SEMA3G: variants seen among roughly 807,000 people sequenced by gnomAD.
The protein encoded by SEMA3G is semaphorin-3G.
In SEMA3G, 70 loss-of-function variants were observed where a neutral mutation model predicts 86.2. The observed-to-expected ratio is 0.81, with a 90% CI of 0.67 to 0.99. SEMA3G has a LOEUF of 0.99. SEMA3G is among the 50% of genes least tolerant of loss of function. The pLI, the probability that SEMA3G is intolerant of heterozygous loss-of-function variation, is 0.00. For synonymous variants in SEMA3G, 416 were observed against 441.4 expected (o/e 0.94, Z 0.72); for missense variants, 1,002 against 1,072.4 (o/e 0.93, Z 0.92).
rs1705982651 is a variant in SEMA3G at position 52,433,065 on chromosome 3, C to G, written c.*2538G>C. ...TTACAAGCCCACAGGCCAGGATGTT[C>G]CTCATTTAATGAGCAATCTCGGCTT... On this transcript the variant is annotated 3_prime_UTR_variant, in exon 16 of 16. Coordinates refer to ENST00000231721, the MANE Select transcript of SEMA3G (RefSeq NM_020163.3). 6.6e-6 allele frequency: 1 copy of G among 151,982 alleles called. No individual in the cohort carries two copies. The highest frequency in any genetic ancestry group is 2.1e-4 in the South Asian group (1 of 4,828). 9.4% of individuals were successfully genotyped at this position (151,982 alleles called of 1,614,324 possible). A position where few individuals can be genotyped will look rare whatever the true frequency, so the allele number is the denominator to read the frequency against.
intron 1 of SEMA3G, 161 bp from the exon 2 acceptor site, chr3:52,443,068 T>A: frequency 6.5e-7 from 1 of 1,531,516 alleles, no homozygotes; most frequent in Non-Finnish European, 8.7e-7. Flanking sequence ...GGACCATGGC[T>A]CCTGGGGACA....
chr3:52,436,025 G>T lies in SEMA3G; in HGVS notation c.1927C>A (p.Arg643Ser), dbSNP rs142042017. 6.2e-7 allele frequency: 1 copy of T among 1,613,362 alleles called. No homozygotes were observed. The highest frequency in any genetic ancestry group is 8.5e-7 in the Non-Finnish European group (1 of 1,179,940). Reference protein sequence around the residue: ...VLHTERGLLFRRLSRFDAGTY... With the variant: ...VLHTERGLLFSRLSRFDAGTY... The stretch of plus-strand genomic sequence containing the variant: ...CCCGCATCGAAACGGCTAAGCCTGC[G>T]GAACAGCAGCCCCCGCTCCGTGTGC... The change falls in exon 16 of 16, where the codon CGC becomes AGC. Residue 643 changes from arginine (R) to serine (S), a missense_variant. Physicochemically the swap from Arg to Ser is moderately radical, Grantham distance 110 (BLOSUM62 -1). Transcript: ENST00000231721.
intron 1 of SEMA3G, among the ~76,000 whole-genome samples, chr3:52,443,307 G>A (rs1706196680): frequency 6.6e-6 from 1 of 152,224 alleles, no homozygotes; most frequent in African/African-American, 2.4e-5. Context: ...TGGCTCAGCT[G>A]GAGGGTGGGC....
Position 52,441,595 on chromosome 3 carries a change from A to G in SEMA3G, c.646T>C (p.Ser216Pro). 1.9e-6 allele frequency: 3 copies of G among 1,613,456 alleles called. No individual in the cohort carries two copies. The highest frequency in any genetic ancestry group is 2.5e-6 in the Non-Finnish European group (3 of 1,179,888). The stretch of plus-strand genomic sequence containing the variant: ...TCACCGTGCAAGAGACTCTGGTCAG[A>G]GTCGGAACGCAGAGCTGGCCGAGGA... ...GGPRPALRSD[S>P]DQSLLHDPRF... Residue 216 changes from serine to proline, a missense_variant, in exon 6 of 16, where the codon TCT becomes CCT. Ser to Pro is a moderately conservative substitution (Grantham distance 74). Coordinates refer to ENST00000231721, the MANE Select transcript of SEMA3G (RefSeq NM_020163.3).
Position 52,442,321 on chromosome 3 carries a change from G to T in SEMA3G, c.340-17C>A. 6.2e-7 allele frequency: 1 copy of T among 1,613,000 alleles called. No individual in the cohort carries two copies. Among genetic ancestry groups the T allele is most frequent in the South Asian group, 1.1e-5 (1 of 91,042 alleles). On this transcript the variant is annotated splice_polypyrimidine_tract_variant and intron_variant, in intron 3 of 15. Transcript: ENST00000231721. The surrounding 1 kb of genome is among the most constrained non-coding windows in gnomAD (Gnocchi z 6.1). ...GCACTCTGTCTGCGGGGAGAAGGAG[G>T]GGGTGGTTGAGGGGTGAGAGGGGGT...
At position 52,442,707 on chromosome 3, in the gene SEMA3G, A is replaced by C. The variant is rs746081983; in HGVS notation, c.276+40T>G. On this transcript the variant is annotated intron_variant, in intron 2 of 15. Coordinates refer to ENST00000231721, the MANE Select transcript of SEMA3G (RefSeq NM_020163.3). The surrounding 1 kb of genome is among the most constrained non-coding windows in gnomAD (Gnocchi z 6.1). ...TCTGGCCTCCCATCTGGAGGTGCCC[A>C]GTTCTCAAACAGACCCTCTTCCCTG... 5.6e-6 allele frequency: 9 copies of C among 1,613,610 alleles called. No individual in the cohort carries two copies. The highest frequency in any genetic ancestry group is 5.9e-6 in the Non-Finnish European group (7 of 1,179,770).
Position 52,433,482 on chromosome 3 carries a change from AAC to A in SEMA3G, c.*2119_*2120del, listed in dbSNP as rs1012578424. On this transcript the variant is annotated 3_prime_UTR_variant, in exon 16 of 16. Coordinates refer to ENST00000231721, the MANE Select transcript of SEMA3G (RefSeq NM_020163.3). ...ACAGAGAAACCACAAGGCCCATCTCAACACACAAATACAAAAACAACTCGCAT... is the reference window on the plus strand; with the variant it reads ...ACAGAGAAACCACAAGGCCCATCTCAACACAAATACAAAAACAACTCGCAT... 6.6e-6 allele frequency: 1 copy of A among 152,668 alleles called. No individual in the cohort carries two copies. Among genetic ancestry groups the A allele is most frequent in the Non-Finnish European group, 1.5e-5 (1 of 68,042 alleles). The allele number at this position is 152,668 out of a possible 1,614,324, so 9.5% of individuals were successfully genotyped here.
chr3:52,435,391 G>T lies in SEMA3G; in HGVS notation c.*212C>A. On this transcript the variant is annotated 3_prime_UTR_variant, in exon 16 of 16. Coordinates refer to ENST00000231721, the MANE Select transcript of SEMA3G (RefSeq NM_020163.3). ...CAGCAGCCAGAGGGTGCTGGCTCCA[G>T]CTGGGTCTAAGAGCACAGAGAAGGG... 1.7e-6 allele frequency: 1 copy of T among 582,998 alleles called. No homozygotes were observed. Among genetic ancestry groups the T allele is most frequent in the East Asian group, 2.9e-5 (1 of 34,890 alleles). 36.1% of individuals were successfully genotyped at this position (582,998 alleles called of 1,614,324 possible).
intron 1 of SEMA3G, 157 bp from the exon 2 acceptor site, chr3:52,443,064 T>C (rs2016575): frequency 0.83 from 1,270,835 of 1,532,204 alleles, 528,584 homozygotes; most frequent in East Asian, 0.98. Context: ...TTTCGGACCA[T>C]GGCTCCTGGG....
chr3:52,441,498 G>A, intron 6 of SEMA3G, 76 bp downstream of exon 6: 1 of 1,579,998 alleles, frequency 6.3e-7, no homozygotes, highest in Non-Finnish European at 8.7e-7. Flanking sequence ...TGGGGCAGGG[G>A]ACTCCCACTG....
chr3:52,440,896 C>G, intron 8 of SEMA3G, 38 bp downstream of exon 8: 2 of 1,599,578 alleles, frequency 1.3e-6, no homozygotes, highest in Non-Finnish European at 1.7e-6. Flanking sequence ...CAGCCCTCCC[C>G]ACTCCCGAGC....
At chr3:52,443,227 C>G (rs1440500373) in intron 1 of SEMA3G, among the ~76,000 whole-genome samples, 1 of 152,160 alleles carries the variant, frequency 6.6e-6, no homozygotes, top group African/African-American at 2.4e-5. Context: ...GAAGAAGGCC[C>G]CAACCAGCAG....
In SEMA3G at chr3:52,441,691, CTG is replaced by C. The variant is rs1300195313; in HGVS notation, c.551-3_551-2del. On this transcript the variant is annotated splice_acceptor_variant and splice_polypyrimidine_tract_variant and intron_variant, in intron 5 of 15. Coordinates refer to ENST00000231721, the MANE Select transcript of SEMA3G (RefSeq NM_020163.3). LOFTEE classifies it high-confidence loss of function. ...GTGAGACCCGTGTACAGCTCCCCGTCTGGGGTGGGGGTTGGGGAACAGAGTCA... is the reference window on the plus strand; with the variant it reads ...GTGAGACCCGTGTACAGCTCCCCGTCGGGTGGGGGTTGGGGAACAGAGTCA... 6.2e-7 allele frequency: 1 copy of C among 1,612,548 alleles called. No homozygotes were observed. The highest frequency in any genetic ancestry group is 2.2e-5 in the East Asian group (1 of 44,886).
In SEMA3G at chr3:52,440,012, G is replaced by A. The variant is rs757161299; in HGVS notation, c.1230C>T (p.Ala410=). The change falls in exon 11 of 16, where the codon GCC becomes GCT. Residue 410 remains alanine (A), a synonymous_variant. Transcript: ENST00000231721. The stretch of plus-strand genomic sequence containing the variant: ...GCACAGGCCAGAACATGAGGGGGTG[G>A]GCTCGGGCAAACTGCAGCACCTCAT... The part of the protein sequence containing the change: ...YPDEVLQFAR[A]HPLMFWPVRP... 3.1e-6 allele frequency: 5 copies of A among 1,612,434 alleles called. No individual in the cohort carries two copies. Among genetic ancestry groups the A allele is most frequent in the Non-Finnish European group, 4.2e-6 (5 of 1,179,024 alleles).
chr3:52,442,237 G>A lies in SEMA3G; in HGVS notation c.407C>T (p.Thr136Ile), dbSNP rs1706172635. Reference sequence around the variant, plus strand: ...GGCACAGGTGGGCTGGAAGGCCCCAGTGCCACAGGCTAGCAGGTGGGTCCG... The same window carrying A: ...GGCACAGGTGGGCTGGAAGGCCCCAATGCCACAGGCTAGCAGGTGGGTCCG... The part of the protein sequence containing the change: ...HNRTHLLACG[T>I]GAFQPTCALI... The change falls in exon 4 of 16, where the codon ACT (threonine) becomes ATT (isoleucine). Residue 136 changes from threonine (T) to isoleucine (I), a missense_variant. Transcript: ENST00000231721. This position sits in a 1 kb window ranked among gnomAD's most constrained non-coding sequence, Gnocchi z 6.1. 1 of 1,613,992 alleles carries A rather than the reference G, an allele frequency of 6.2e-7. No homozygotes were observed. Among genetic ancestry groups the A allele is most frequent in the Non-Finnish European group, 8.5e-7 (1 of 1,179,946 alleles).
At chr3:52,439,793 C>G in intron 11 of SEMA3G, 22 bp from the exon 12 acceptor site, 1 of 1,612,560 alleles carries the variant, frequency 6.2e-7, no homozygotes, top group Non-Finnish European at 8.5e-7. Flanking sequence ...GAGGAGGGGT[C>G]AGCGGGACAG....
Position 52,436,003 on chromosome 3 carries a change from G to C in SEMA3G, c.1949C>G (p.Ala650Gly), listed in dbSNP as rs200142915. Reference protein sequence around the residue: ...LLFRRLSRFDAGTYTCTTLEH... With the variant: ...LLFRRLSRFDGGTYTCTTLEH... ...CAGAGTGGTGCAGGTGTAGGTGCCC[G>C]CATCGAAACGGCTAAGCCTGCGGAA... Residue 650 changes from alanine (A) to glycine (G), a missense_variant, in exon 16 of 16, where the codon GCG (alanine) becomes GGG (glycine). Physicochemically the swap from Ala to Gly is moderately conservative, Grantham distance 60 (BLOSUM62 0). Coordinates refer to ENST00000231721, the MANE Select transcript of SEMA3G (RefSeq NM_020163.3). 1.2e-6 allele frequency: 2 copies of C among 1,613,790 alleles called. No homozygotes were observed. The highest frequency in any genetic ancestry group is 2.2e-5 in the South Asian group (2 of 91,092).
At chr3:52,437,837 A>T in intron 14 of SEMA3G, 134 bp downstream of exon 14, 1 of 1,096,214 alleles carries the variant, frequency 9.1e-7, no homozygotes, top group South Asian at 1.5e-5. Context: ...CACTAGCAGG[A>T]GCTACACAGA....
rs965679671 is a variant in SEMA3G, at chr3:52,438,027, C to T, written c.1682G>A (p.Arg561Gln). The change falls in exon 14 of 16, where the codon CGG (arginine) becomes CAG (glutamine). Residue 561 changes from arginine to glutamine, a missense_variant. Physicochemically the swap from Arg to Gln is conservative, Grantham distance 43 (BLOSUM62 1). Coordinates refer to ENST00000231721, the MANE Select transcript of SEMA3G (RefSeq NM_020163.3). The part of the protein sequence containing the change: ...RPSLGKRRFR[R>Q]QDIRHGNPAL... ...AGGGTTGCCGTGCCGGATGTCCTGC[C>T]GGCGGAACCGGCGCTTGCCAAGGCT... 14 of 1,612,966 alleles carry T rather than the reference C, an allele frequency of 8.7e-6. No homozygotes were observed. In the African/African-American group the frequency reaches 9.3e-5, roughly 11 times the overall value.
Sources: gnomAD v4.1 joint callset for allele counts (sites outside exome capture counted in the v4.1 genomes callset) on GRCh38, gnomAD v4.1.1 for gene constraint, Gnocchi (gnomAD v3.1) non-coding constraint, MANE v1.5 for transcripts, NCBI Gene and HGNC (gene_info 2026-07-23, HGNC 2026-07-21) for gene names.